The following ZNF362 variants were observed in gnomAD, a reference collection of about 807,000 sequenced individuals.
ZNF362 encodes the protein rotund homolog.
A neutral mutation model predicts 42.9 loss-of-function variants in ZNF362; 11 were observed. The ratio of observed to expected loss-of-function variants is 0.26; its 90% CI spans 0.16 to 0.42. The LOEUF (loss-of-function observed/expected upper bound fraction) is 0.42, where lower values mean the gene tolerates loss of function less well. Among genes scored for constraint, ZNF362 ranks in the 20% least tolerant of loss-of-function variants. The pLI is 1.00. For missense variants in ZNF362, 362 were observed against 576.2 expected (o/e 0.63, Z 3.81); for synonymous variants, 255 against 257.3 (o/e 0.99, Z 0.09).
the ZNF362 span, among the ~76,000 whole-genome samples, chr1:33,189,657 A>ATATATACACG: frequency 2.0e-5 from 2 of 102,010 alleles, no homozygotes; most frequent in African/African-American, 8.1e-5. Flanking sequence ...ATATATATAT[A>ATATATACACG]TATATATATA....
intron 1 of ZNF362, among the ~76,000 whole-genome samples, chr1:33,267,342 C>A (rs1335650987): frequency 6.6e-6 from 1 of 152,204 alleles, no homozygotes; most frequent in Non-Finnish European, 1.5e-5. Flanking sequence ...CTGCTCCAAG[C>A]CGGAAGCATC....
chr1:33,198,848 T>A, the ZNF362 span, among the ~76,000 whole-genome samples: 4 of 152,282 alleles, frequency 2.6e-5, no homozygotes, highest in South Asian at 8.3e-4. Flanking sequence ...TTAAAAATAC[T>A]CAAATCAAAC....
chr1:33,159,840 G>A, the ZNF362 span: 5 of 1,613,526 alleles, frequency 3.1e-6, no homozygotes, highest in Non-Finnish European at 3.4e-6. The surrounding 1 kb of genome is among the most constrained non-coding windows in gnomAD (Gnocchi z 4.2). Flanking sequence ...TGCGGGCCGT[G>A]TCCGCCTCCA....
the ZNF362 span, among the ~76,000 whole-genome samples, chr1:33,244,769 G>A: frequency 6.6e-6 from 1 of 152,222 alleles, no homozygotes; most frequent in African/African-American, 2.4e-5. The surrounding 1 kb of genome is among the most constrained non-coding windows in gnomAD (Gnocchi z 4.0). Flanking sequence ...TTGTGGTGAG[G>A]ATTAAAAGGG....
chr1:33,181,120 T>A, the ZNF362 span: 4 of 1,600,562 alleles, frequency 2.5e-6, no homozygotes, highest in Non-Finnish European at 2.5e-6. The surrounding 1 kb of genome is among the most constrained non-coding windows in gnomAD (Gnocchi z 6.5). Flanking sequence ...GCGCGGTCCG[T>A]GAGGCAGAAG....
chr1:33,160,607 G>A, the ZNF362 span, among the ~76,000 whole-genome samples: 6 of 152,062 alleles, frequency 3.9e-5, no homozygotes, highest in African/African-American at 1.4e-4. Flanking sequence ...GTTTCACCAT[G>A]TTGGCCAGGC....
the ZNF362 span, among the ~76,000 whole-genome samples, chr1:33,193,342 G>T: frequency 6.6e-6 from 1 of 152,158 alleles, no homozygotes; most frequent in Admixed American, 6.6e-5. Flanking sequence ...CATAAAGTTT[G>T]TCTTGGAACT....
chr1:33,281,960 A>G lies in ZNF362; in HGVS notation c.908+149A>G. 1.4e-6 allele frequency: 1 copy of G among 718,486 alleles called. No individual in the cohort carries two copies. The highest frequency in any genetic ancestry group is 2.3e-6 in the Non-Finnish European group (1 of 432,654). 44.5% of individuals were successfully genotyped at this position (718,486 alleles called of 1,614,324 possible). A position where few individuals can be genotyped will look rare whatever the true frequency, so the allele number is the denominator to read the frequency against. On this transcript the variant is annotated intron_variant, in intron 6 of 8. Coordinates refer to ENST00000539719, the MANE Select transcript of ZNF362 (RefSeq NM_152493.3). The surrounding 1 kb of genome is among the most constrained non-coding windows in gnomAD (Gnocchi z 4.8). Reference sequence around the variant, plus strand: ...GGCCCTTGTGGACCTCACTGGCCTCAGCTGTTGTTACTGCACCCCGTCCCC... The same window carrying G: ...GGCCCTTGTGGACCTCACTGGCCTCGGCTGTTGTTACTGCACCCCGTCCCC...
At chr1:33,272,421 A>G (rs968815982) in intron 2 of ZNF362, among the ~76,000 whole-genome samples, 1 of 148,142 alleles carries the variant, frequency 6.8e-6, no homozygotes, top group African/African-American at 2.7e-5. Context: ...ACAGATTGAT[A>G]GATGGGCCAG....
At chr1:33,250,458 C>T in the ZNF362 span, among the ~76,000 whole-genome samples, 1 of 152,178 alleles carries the variant, frequency 6.6e-6, no homozygotes, top group Non-Finnish European at 1.5e-5. Flanking sequence ...GAGCTGGAAG[C>T]CGTTATCCTC....
the ZNF362 span, among the ~76,000 whole-genome samples, chr1:33,231,590 A>T: frequency 6.6e-6 from 1 of 152,144 alleles, no homozygotes; most frequent in Non-Finnish European, 1.5e-5. Context: ...CTGTCAGTCC[A>T]CAACTGACGC....
At chr1:33,261,502 A>C (rs556515963) in intron 1 of ZNF362, 2 of 152,242 alleles carry the variant, frequency 1.3e-5, no homozygotes, top group Admixed American at 6.5e-5. Context: ...GCCTCGGTGC[A>C]TTGTTGAATG....
chr1:33,134,358 G>A, the ZNF362 span, among the ~76,000 whole-genome samples: 1 of 152,218 alleles, frequency 6.6e-6, no homozygotes, highest in Non-Finnish European at 1.5e-5. Flanking sequence ...TAAGTGGCAG[G>A]GCCAAGAATT....
At chr1:33,274,830 G>C in intron 2 of ZNF362, 3 of 565,950 alleles carry the variant, frequency 5.3e-6, no homozygotes, top group South Asian at 7.8e-5. Context: ...CCCTCTCTCT[G>C]AGCCTCAGTT....
the ZNF362 span, among the ~76,000 whole-genome samples, chr1:33,180,243 G>T: frequency 6.6e-6 from 1 of 152,112 alleles, no homozygotes; most frequent in African/African-American, 2.4e-5. Context: ...ACTCCTAGAG[G>T]TCTAGCCCCT....
intron 1 of ZNF362, among the ~76,000 whole-genome samples, chr1:33,260,411 A>G (rs1223801605): frequency 6.6e-6 from 1 of 152,210 alleles, no homozygotes; most frequent in Non-Finnish European, 1.5e-5. Flanking sequence ...CCACCAGGAC[A>G]GCTTTTCCCT....
the ZNF362 span, among the ~76,000 whole-genome samples, chr1:33,220,426 G>C: frequency 3.9e-5 from 6 of 152,288 alleles, 1 homozygote; most frequent in Middle Eastern, 6.8e-3. Flanking sequence ...GGACGCAGAA[G>C]CTCAGAGAGG....
At chr1:33,199,140 T>G in the ZNF362 span, among the ~76,000 whole-genome samples, 1 of 152,010 alleles carries the variant, frequency 6.6e-6, no homozygotes, top group African/African-American at 2.4e-5. Flanking sequence ...ATTTCCAAAT[T>G]TGATGAAAAC....
chr1:33,135,777 A>G, the ZNF362 span, among the ~76,000 whole-genome samples: 6 of 152,192 alleles, frequency 3.9e-5, no homozygotes, highest in East Asian at 3.9e-4. Flanking sequence ...CCTATGTGCT[A>G]TCTTTGCCTG....
Sources: allele counts gnomAD v4.1 joint callset (sites outside exome capture counted in the v4.1 genomes callset), GRCh38; gene constraint gnomAD v4.1.1; non-coding constraint Gnocchi (gnomAD v3.1); transcripts MANE v1.5; gene names NCBI Gene and HGNC (gene_info 2026-07-23, HGNC 2026-07-21).